ACYP2: variants seen among roughly 807,000 people sequenced by gnomAD.
ACYP2 encodes the protein acylphosphatase 2.
In ACYP2, 12 loss-of-function variants were observed where a neutral mutation model predicts 11.2. The observed-to-expected ratio is 1.08, with a 90% CI of 0.69 to 1.74. The LOEUF (loss-of-function observed/expected upper bound fraction) is 1.74, where lower values mean the gene tolerates loss of function less well. Ranked by LOEUF, ACYP2 falls within the 40% of genes most tolerant of loss-of-function variation. ACYP2 has a pLI of 0.00. For synonymous variants in ACYP2, 43 were observed against 32.2 expected, an observed-to-expected ratio of 1.33 and a Z score of -1.13; for missense variants, 134 against 101.9, an observed-to-expected ratio of 1.31 and a Z score of -1.35.
chr2:54,004,404 C>CTTTTT (rs1168703943), intron 2 of ACYP2, among the ~76,000 whole-genome samples: 35 of 92,078 alleles, frequency 3.8e-4, no homozygotes, highest in Non-Finnish European at 4.3e-4. Flanking sequence ...GTAGTTTAGC[C>CTTTTT]TTTTTTTTTT....
At chr2:54,078,764 A>G (rs1677487270) in intron 4 of ACYP2, among the ~76,000 whole-genome samples, 3 of 151,608 alleles carry the variant, frequency 2.0e-5, no homozygotes, top group Non-Finnish European at 2.9e-5. Context: ...ACACCCGCTA[A>G]TTTTTCTATT....
chr2:54,033,099 C>G (rs1475631563), intron 2 of ACYP2, among the ~76,000 whole-genome samples: 2 of 152,042 alleles, frequency 1.3e-5, no homozygotes, highest in African/African-American at 4.8e-5. Context: ...AAAGGTGGCT[C>G]AGAGCAGTCT....
intron 2 of ACYP2, among the ~76,000 whole-genome samples, chr2:53,996,718 C>T (rs1672590947): frequency 6.6e-6 from 1 of 152,178 alleles, no homozygotes; most frequent in South Asian, 2.1e-4. Context: ...TTCATGCCTG[C>T]TACATCAGCT....
chr2:54,210,141 CAAAAAA>C (rs57860939), intron 6 of ACYP2, among the ~76,000 whole-genome samples: 21,597 of 70,148 alleles, frequency 0.31, 1,568 homozygotes, highest in East Asian at 0.49. Flanking sequence ...GACTGTGTCT[CAAAAAA>C]AAAAAAAAAA....
At chr2:53,985,749 C>G (rs1160081745) in intron 2 of ACYP2, among the ~76,000 whole-genome samples, 1 of 152,092 alleles carries the variant, frequency 6.6e-6, no homozygotes, top group African/African-American at 2.4e-5. Flanking sequence ...GGGAGGATCC[C>G]TCATGAATGG....
intron 2 of ACYP2, among the ~76,000 whole-genome samples, chr2:54,035,031 A>AAAAAAAAAAAAC (rs1674812188): frequency 7.0e-6 from 1 of 142,970 alleles, no homozygotes; most frequent in Non-Finnish European, 1.5e-5. Flanking sequence ...AAAAAAAAAA[A>AAAAAAAAAAAAC]AGCCTAGACT....
At chr2:54,111,231 G>A (rs527521343) in intron 4 of ACYP2, among the ~76,000 whole-genome samples, 3 of 152,168 alleles carry the variant, frequency 2.0e-5, no homozygotes, top group Admixed American at 6.5e-5. Flanking sequence ...GAAGCTCTGA[G>A]TCCCTACAAA....
At chr2:54,255,912 A>C (rs772818881) in intron 6 of ACYP2, 3 of 1,614,050 alleles carry the variant, frequency 1.9e-6, no homozygotes, top group Non-Finnish European at 2.5e-6. Flanking sequence ...TGGCTCCATG[A>C]CTGCGACCCG....
At chr2:54,120,352 G>T (rs912216427) in intron 4 of ACYP2, among the ~76,000 whole-genome samples, 1 of 152,122 alleles carries the variant, frequency 6.6e-6, no homozygotes, top group African/African-American at 2.4e-5. Context: ...TTCTATAGAT[G>T]TTTAATTATA....
chr2:54,181,783 A>C (rs1246720733), intron 6 of ACYP2, among the ~76,000 whole-genome samples: 1 of 152,156 alleles, frequency 6.6e-6, no homozygotes, highest in Non-Finnish European at 1.5e-5. Context: ...TATTTGGCTG[A>C]GACTCACAAA....
At chr2:54,003,063 C>T (rs960262524) in intron 2 of ACYP2, among the ~76,000 whole-genome samples, 2 of 152,112 alleles carry the variant, frequency 1.3e-5, no homozygotes, top group African/African-American at 4.8e-5. Context: ...ATACTTGTGC[C>T]TCAGCCTCCC....
chr2:54,189,891 C>T (rs1684170537), intron 6 of ACYP2, among the ~76,000 whole-genome samples: 1 of 152,144 alleles, frequency 6.6e-6, no homozygotes, highest in Admixed American at 6.6e-5. Context: ...TTAATTATGG[C>T]CAGCCTAATG....
chr2:54,069,343 C>T (rs1013226214), intron 4 of ACYP2, among the ~76,000 whole-genome samples: 1 of 151,724 alleles, frequency 6.6e-6, no homozygotes, highest in African/African-American at 2.4e-5. Context: ...CAAGAACTTG[C>T]ATAAACATCT....
At chr2:54,267,580 G>A (rs1688094835) in intron 6 of ACYP2, among the ~76,000 whole-genome samples, 1 of 152,066 alleles carries the variant, frequency 6.6e-6, no homozygotes, top group Non-Finnish European at 1.5e-5. Context: ...GGCCTCCCTG[G>A]GGTAACAAAA....
chr2:54,251,872 A>G (rs767781161), intron 6 of ACYP2, among the ~76,000 whole-genome samples: 4 of 152,198 alleles, frequency 2.6e-5, no homozygotes, highest in Admixed American at 1.3e-4. Flanking sequence ...CAGATTCCCT[A>G]TGTTCCCTAC....
intron 6 of ACYP2, among the ~76,000 whole-genome samples, chr2:54,298,346 A>AAAT (rs919582642): frequency 6.6e-5 from 10 of 152,000 alleles, no homozygotes; most frequent in Non-Finnish European, 1.3e-4. Context: ...TGAAAGATTT[A>AAAT]AAGGATAAAG....
At chr2:53,998,583 GA>G (rs1672673856) in intron 2 of ACYP2, among the ~76,000 whole-genome samples, 1 of 152,148 alleles carries the variant, frequency 6.6e-6, no homozygotes, top group Admixed American at 6.5e-5. Context: ...GGGAGGCTGA[GA>G]GGGGTGGATC....
chr2:54,104,120 G>A (rs1012619403), intron 4 of ACYP2, among the ~76,000 whole-genome samples: 2 of 152,148 alleles, frequency 1.3e-5, no homozygotes, highest in Non-Finnish European at 1.5e-5. Flanking sequence ...AATGAACTTC[G>A]AGCTGTTCCA....
intron 6 of ACYP2, chr2:54,255,298 A>C: frequency 6.2e-7 from 1 of 1,614,174 alleles, no homozygotes; most frequent in East Asian, 2.2e-5. Context: ...AGGGTGTCTG[A>C]GCTCCTTCAC....
Sources: gnomAD v4.1 joint callset for allele counts (sites outside exome capture counted in the v4.1 genomes callset) on GRCh38, gnomAD v4.1.1 for gene constraint, MANE v1.5 for transcripts, NCBI Gene and HGNC (gene_info 2026-07-23, HGNC 2026-07-21) for gene names.